Variants in SCAP observed in about 807,000 individuals in gnomAD.
The protein encoded by SCAP is sterol regulatory element-binding protein cleavage-activating protein.
In SCAP, 65 loss-of-function variants were observed where a neutral mutation model predicts 123.6. The ratio of observed to expected loss-of-function variants is 0.53; its 90% CI spans 0.43 to 0.65. SCAP has a LOEUF of 0.65. Ranked by LOEUF, SCAP falls within the 30% of genes least tolerant of loss-of-function variation. The pLI, the probability that SCAP is intolerant of heterozygous loss-of-function variation, is 0.00. For missense variants in SCAP, 1,398 were observed against 1,712.5 expected (o/e 0.82, Z 3.24); for synonymous variants, 740 against 726.3 (o/e 1.02, Z -0.30).
At chr3:47,458,623 TG>T (rs1707516758) in intron 1 of SCAP, among the ~76,000 whole-genome samples, 1 of 152,144 alleles carries the variant, frequency 6.6e-6, no homozygotes, top group South Asian at 2.1e-4. Flanking sequence ...ATTAGTTGGT[TG>T]TAATGGTTGT....
At chr3:47,456,208 G>C (rs1393706182) in intron 1 of SCAP, among the ~76,000 whole-genome samples, 1 of 152,092 alleles carries the variant, frequency 6.6e-6, no homozygotes, top group Non-Finnish European at 1.5e-5. Context: ...TTCAAGACCA[G>C]CCTGGGCAAC....
intron 14 of SCAP, 29 bp downstream of exon 14, chr3:47,418,626 T>TTGG: frequency 6.9e-7 from 1 of 1,459,550 alleles, no homozygotes; most frequent in Non-Finnish European, 9.5e-7. Context: ...CCGCACTCTT[T>TTGG]CCCACCCCAC....
chr3:47,420,845 C>G lies in SCAP; in HGVS notation c.1345-73G>C. The G allele has an allele frequency of 1.9e-6, 3 of 1,583,880 alleles. No homozygotes were observed. The South Asian group carries it at 3.3e-5, about 18-fold the overall frequency. On this transcript the variant is annotated intron_variant, in intron 11 of 22. Coordinates refer to ENST00000265565, the MANE Select transcript of SCAP (RefSeq NM_012235.4). This position sits in a 1 kb window ranked among gnomAD's most constrained non-coding sequence, Gnocchi z 5.0. ...GCTCGCACAGGACCGCTGTCCTGCC[C>G]GAGGTCTACACCCTTCTCACCCAGG... is the stretch of plus-strand genomic sequence containing the variant.
chr3:47,422,702 A>G, intron 9 of SCAP, 166 bp from the exon 10 acceptor site: 1 of 559,204 alleles, frequency 1.8e-6, no homozygotes, highest in Non-Finnish European at 3.2e-6. Context: ...GCTAATGCCC[A>G]GACTTTAAGG....
At chr3:47,472,618 T>C (rs1244116259) in intron 1 of SCAP, among the ~76,000 whole-genome samples, 1 of 152,150 alleles carries the variant, frequency 6.6e-6, no homozygotes, top group East Asian at 1.9e-4. Context: ...GCAACCATTC[T>C]AGGTTAGTGC....
chr3:47,422,284 C>T (rs1705935697), intron 10 of SCAP, among the ~76,000 whole-genome samples, 158 bp downstream of exon 10: 1 of 152,260 alleles, frequency 6.6e-6, no homozygotes, highest in Admixed American at 6.5e-5. Context: ...CAGGGGCCAT[C>T]TGGGTGCTGT....
At chr3:47,474,284 GAA>G (rs1464847258) in intron 1 of SCAP, among the ~76,000 whole-genome samples, 1 of 150,484 alleles carries the variant, frequency 6.6e-6, no homozygotes. Context: ...AAGAAAGAAA[GAA>G]AAGAGAGAGC....
At chr3:47,465,787 T>C (rs1328225857) in intron 1 of SCAP, among the ~76,000 whole-genome samples, 2 of 150,794 alleles carry the variant, frequency 1.3e-5, no homozygotes, top group Non-Finnish European at 2.9e-5. Flanking sequence ...AAAAAGAATA[T>C]TGTCTTCCAA....
intron 1 of SCAP, among the ~76,000 whole-genome samples, chr3:47,464,001 T>G (rs1474712721): frequency 6.6e-6 from 1 of 151,926 alleles, no homozygotes; most frequent in Non-Finnish European, 1.5e-5. Context: ...CTGGCTAATT[T>G]ATTTTATTTT....
chr3:47,435,286 G>GA, intron 2 of SCAP, 149 bp from the exon 3 acceptor site: 1 of 914,288 alleles, frequency 1.1e-6, no homozygotes, highest in Non-Finnish European at 1.5e-6. Context: ...TTGCAAAGCT[G>GA]AAACTCAGAA....
chr3:47,455,198 G>A (rs1401871101), intron 1 of SCAP, among the ~76,000 whole-genome samples: 4 of 150,512 alleles, frequency 2.7e-5, no homozygotes, highest in African/African-American at 7.3e-5. Flanking sequence ...GCAGGCAGAA[G>A]TAAAATAATG....
rs913089254 is a variant in SCAP, at chr3:47,439,840, T to C, written c.122+3032A>G. On this transcript the variant is annotated intron_variant, in intron 2 of 22. Coordinates refer to ENST00000265565, the MANE Select transcript of SCAP (RefSeq NM_012235.4). The surrounding 1 kb of genome is among the most constrained non-coding windows in gnomAD (Gnocchi z 4.0). ...TCAGCACTGGGTTCATTTGAAGTAG[T>C]GTCCTTGGCTCTCAGTCACTGAAAC... Among the ~76,000 whole-genome samples, 1 of 152,216 alleles carries C rather than the reference T, an allele frequency of 6.6e-6. No individual in the cohort carries two copies. The highest frequency in any genetic ancestry group is 2.4e-5 in the African/African-American group (1 of 41,462).
chr3:47,425,869 A>T, intron 7 of SCAP, 128 bp downstream of exon 7: 1 of 1,103,836 alleles, frequency 9.1e-7, no homozygotes, highest in Non-Finnish European at 1.3e-6. Flanking sequence ...ACAAAGCCCT[A>T]GCTCTGATGA....
At chr3:47,425,947 A>T in intron 7 of SCAP, 50 bp downstream of exon 7, 8 of 1,602,944 alleles carry the variant, frequency 5.0e-6, no homozygotes, top group Non-Finnish European at 6.8e-6. Context: ...TGACATGGAA[A>T]TGCCCGTTTA....
intron 1 of SCAP, among the ~76,000 whole-genome samples, chr3:47,471,046 G>A (rs1247710376): frequency 6.6e-6 from 1 of 152,098 alleles, no homozygotes; most frequent in Non-Finnish European, 1.5e-5. Context: ...AGACATAACT[G>A]AGTGATAGGT....
At chr3:47,463,997 A>G (rs752891216) in intron 1 of SCAP, among the ~76,000 whole-genome samples, 2 of 151,596 alleles carry the variant, frequency 1.3e-5, no homozygotes, top group Non-Finnish European at 1.5e-5. Context: ...ACATCTGGCT[A>G]ATTTATTTTA....
intron 1 of SCAP, among the ~76,000 whole-genome samples, chr3:47,454,653 C>T (rs952358721): frequency 2.0e-5 from 3 of 152,012 alleles, no homozygotes; most frequent in African/African-American, 7.3e-5. Context: ...CGCTTGAACG[C>T]AGGAGAATCG....
Position 47,474,272 on chromosome 3 carries a change from AAAAG to A in SCAP, c.-99+1523_-99+1526del, listed in dbSNP as rs1414883670. Reference sequence around the variant, plus strand: ...AGAGCGAGACTCCATCTCAAAAAAAAAAAGAAAGAAAGAAAAGAGAGAGCATTCA... The same window carrying A: ...AGAGCGAGACTCCATCTCAAAAAAAAAAAGAAAGAAAAGAGAGAGCATTCA... On this transcript the variant is annotated intron_variant, in intron 1 of 22. Coordinates refer to ENST00000265565, the MANE Select transcript of SCAP (RefSeq NM_012235.4). Among the ~76,000 whole-genome samples the A allele has an allele frequency of 6.6e-5, 10 of 151,878 alleles. No individual in the cohort carries two copies. The South Asian group carries it at 1.7e-3, about 25-fold the overall frequency.
intron 6 of SCAP, 38 bp downstream of exon 6, chr3:47,427,119 G>A: frequency 6.9e-7 from 1 of 1,452,616 alleles, no homozygotes; most frequent in Non-Finnish European, 9.7e-7. Context: ...ATGTCACCCA[G>A]CAGACCAGTC....
Sources: gnomAD v4.1 joint callset for allele counts (sites outside exome capture counted in the v4.1 genomes callset) on GRCh38, gnomAD v4.1.1 for gene constraint, Gnocchi (gnomAD v3.1) non-coding constraint, MANE v1.5 for transcripts, NCBI Gene and HGNC (gene_info 2026-07-23, HGNC 2026-07-21) for gene names.